TRAFD1: variants seen among roughly 807,000 people sequenced by gnomAD.
TRAFD1 encodes TRAF-type zinc finger domain containing 1.
A neutral mutation model predicts 65.3 loss-of-function variants in TRAFD1; 38 were observed. That is an observed-to-expected ratio of 0.58 (90% CI 0.45 to 0.76). The LOEUF (loss-of-function observed/expected upper bound fraction) is 0.76, where lower values mean the gene tolerates loss of function less well. Ranked by LOEUF, TRAFD1 falls within the 30% of genes least tolerant of loss-of-function variation. TRAFD1 has a pLI of 0.00. For missense variants in TRAFD1, 631 were observed against 712.6 expected, an observed-to-expected ratio of 0.89 and a Z score of 1.30; for synonymous variants, 223 against 257.2, an observed-to-expected ratio of 0.87 and a Z score of 1.27.
Position 112,145,575 on chromosome 12 carries a change from C to G in TRAFD1, c.851-11C>G. Reference sequence around the variant, plus strand: ...TTCATCCTGAGTCTCATTGTGTGGCCTAATACCTAGGTGCAGCTGACGAGA... The same window carrying G: ...TTCATCCTGAGTCTCATTGTGTGGCGTAATACCTAGGTGCAGCTGACGAGA... On this transcript the variant is annotated splice_polypyrimidine_tract_variant and intron_variant, in intron 6 of 11. Transcript: ENST00000412615. 3 of 1,613,986 alleles carry G rather than the reference C, an allele frequency of 1.9e-6. No individual in the cohort carries two copies. Among genetic ancestry groups the G allele is most frequent in the Non-Finnish European group, 2.5e-6 (3 of 1,179,962 alleles).
chr12:112,142,054 T>C (rs1405811862), intron 5 of TRAFD1, 35 bp from the exon 6 acceptor site: 2 of 1,605,786 alleles, frequency 1.2e-6, no homozygotes, highest in African/African-American at 1.3e-5. Context: ...ACATTTCTAA[T>C]GTATCCTGAA....
intron 7 of TRAFD1, 73 bp downstream of exon 7, chr12:112,145,735 A>C: frequency 2.2e-6 from 3 of 1,365,874 alleles, no homozygotes; most frequent in Admixed American, 3.5e-5. Flanking sequence ...AGGCCACATG[A>C]GGCCTTGAAC....
At chr12:112,129,445 C>G (rs1462638770) in intron 1 of TRAFD1, among the ~76,000 whole-genome samples, 1 of 151,962 alleles carries the variant, frequency 6.6e-6, no homozygotes, top group Non-Finnish European at 1.5e-5. Context: ...AAGCGATCCT[C>G]TTCAGCTCAG....
intron 7 of TRAFD1, among the ~76,000 whole-genome samples, chr12:112,147,046 C>G (rs1233215010): frequency 8.4e-6 from 1 of 119,064 alleles, no homozygotes; most frequent in Non-Finnish European, 1.6e-5. Flanking sequence ...GTCGCCTAGG[C>G]TGGAGCGCAG....
At position 112,152,331 on chromosome 12, in the gene TRAFD1, T is replaced by C; in HGVS notation, c.1620-96T>C. ...TGTGGCCTATGGGTTTTTTGGGGTT[T>C]GTCTGCTAGCATAGGACTGCTTCCT... is the stretch of plus-strand genomic sequence containing the variant. On this transcript the variant is annotated intron_variant, in intron 10 of 11. Coordinates refer to ENST00000412615, the MANE Select transcript of TRAFD1 (RefSeq NM_006700.3). This position sits in a 1 kb window ranked among gnomAD's most constrained non-coding sequence, Gnocchi z 5.0. 11 of 1,529,000 alleles carry C rather than the reference T, an allele frequency of 7.2e-6. No individual in the cohort carries two copies. The highest frequency in any genetic ancestry group is 9.8e-6 in the Non-Finnish European group (11 of 1,127,088). The allele number at this position is 1,529,000 out of a possible 1,614,324, so 94.7% of individuals were successfully genotyped here. A position where few individuals can be genotyped will look rare whatever the true frequency, so the allele number is the denominator to read the frequency against.
chr12:112,134,508 G>T (rs1389605866), intron 2 of TRAFD1, among the ~76,000 whole-genome samples: 2 of 150,742 alleles, frequency 1.3e-5, no homozygotes, highest in African/African-American at 4.9e-5. Context: ...CGCCTGCCTC[G>T]GCTTCCCAAA....
Position 112,152,294 on chromosome 12 carries a change from A to G in TRAFD1, c.1620-133A>G, listed in dbSNP as rs576519451. The G allele has an allele frequency of 9.0e-5, 130 of 1,443,466 alleles. No homozygotes were observed. In the African/African-American group the frequency reaches 1.5e-3, roughly 17 times the overall value. 89.4% of individuals were successfully genotyped at this position (1,443,466 alleles called of 1,614,324 possible). A position where few individuals can be genotyped will look rare whatever the true frequency, so the allele number is the denominator to read the frequency against. ...TTCCCTGTATTGTCACCTGACTCCA[A>G]AAAAATTATTTTGTGGCCTATGGGT... On this transcript the variant is annotated intron_variant, in intron 10 of 11. Transcript: ENST00000412615. The surrounding 1 kb of genome is among the most constrained non-coding windows in gnomAD (Gnocchi z 5.0).
Position 112,151,801 on chromosome 12 carries a change from G to T in TRAFD1, c.1280G>T (p.Gly427Val). The T allele has an allele frequency of 6.2e-7, 1 of 1,611,008 alleles. No homozygotes were observed. Among genetic ancestry groups the T allele is most frequent in the Non-Finnish European group, 8.5e-7 (1 of 1,177,598 alleles). Residue 427 changes from glycine to valine, a missense_variant and splice_region_variant, in exon 10 of 12, where the codon GGA becomes GTA. Gly to Val is a moderately radical substitution (Grantham distance 109). Coordinates refer to ENST00000412615, the MANE Select transcript of TRAFD1 (RefSeq NM_006700.3). ...AGCTGTTACCATTTTCTCTTCTCAG[G>T]AGACCTGTCTTCTGGTTACCTGGAT... ...ELPRRRVRHQ[G>V]DLSSGYLDDT...
rs192848051 is a variant in TRAFD1, at chr12:112,136,979, C to T, written c.237+1913C>T. 3.0e-3 allele frequency among the ~76,000 whole-genome samples: 450 copies of T among 152,356 alleles called. 2 individuals are homozygous for T. The highest frequency in any genetic ancestry group is 9.9e-3 in the African/African-American group (410 of 41,592). ...ATGGCTGATGCCTGTAATCCCAGCA[C>T]TTTGGGAGGCTGAGGTGGGTGGATC... On this transcript the variant is annotated intron_variant, in intron 4 of 11. Coordinates refer to ENST00000412615, the MANE Select transcript of TRAFD1 (RefSeq NM_006700.3).
At chr12:112,145,737 G>GC in intron 7 of TRAFD1, 75 bp downstream of exon 7, 1 of 1,334,990 alleles carries the variant, frequency 7.5e-7, no homozygotes, top group Middle Eastern at 1.8e-4. Context: ...GCCACATGAG[G>GC]CCTTGAACAA....
chr12:112,140,419 CAAAAAAAAAAA>C (rs548396276), intron 4 of TRAFD1, among the ~76,000 whole-genome samples: 1 of 69,198 alleles, frequency 1.4e-5, no homozygotes, highest in Non-Finnish European at 3.2e-5. Flanking sequence ...GACACTGTCT[CAAAAAAAAAAA>C]AAAAAAAAGA....
chr12:112,137,985 T>A lies in TRAFD1; in HGVS notation c.238-2834T>A, dbSNP rs935342135. Among the ~76,000 whole-genome samples the A allele has an allele frequency of 6.6e-6, 1 of 151,560 alleles. No individual in the cohort carries two copies. Among genetic ancestry groups the A allele is most frequent in the African/African-American group, 2.4e-5 (1 of 41,260 alleles). On this transcript the variant is annotated intron_variant, in intron 4 of 11. Coordinates refer to ENST00000412615, the MANE Select transcript of TRAFD1 (RefSeq NM_006700.3). This position sits in a 1 kb window ranked among gnomAD's most constrained non-coding sequence, Gnocchi z 4.2. ...AGCGGGCTACAGTGACTCATGCCTG[T>A]ATCCTAGCACTTTGGGAGGCCAAGG...
intron 4 of TRAFD1, among the ~76,000 whole-genome samples, chr12:112,139,795 T>C (rs921177240): frequency 5.3e-5 from 8 of 152,110 alleles, no homozygotes; most frequent in Non-Finnish European, 2.9e-5. Context: ...GGATGGGAGT[T>C]TGAGACCAAC....
At chr12:112,135,614 C>T (rs774835075) in intron 4 of TRAFD1, among the ~76,000 whole-genome samples, 18 of 151,786 alleles carry the variant, frequency 1.2e-4, no homozygotes, top group Non-Finnish European at 1.8e-4. Flanking sequence ...TTAGTAGAGA[C>T]GGGATTTCAC....
Position 112,142,129 on chromosome 12 carries a change from G to GC in TRAFD1, c.690dup (p.Lys231GlnfsTer5), listed in dbSNP as rs1170841494. ...GGCAGGAAAGGAATAGAGGCCAACA[G>GC]CCCCCCAAAGAGGGTGGTGAAGAGA... is the stretch of plus-strand genomic sequence containing the variant. On this transcript the variant is annotated frameshift_variant, in exon 6 of 12. Coordinates refer to ENST00000412615, the MANE Select transcript of TRAFD1 (RefSeq NM_006700.3). LOFTEE classifies it high-confidence loss of function. The GC allele has an allele frequency of 6.2e-7, 1 of 1,613,742 alleles. No homozygotes were observed.
intron 5 of TRAFD1, 134 bp downstream of exon 5, chr12:112,141,358 CTCTT>C: frequency 9.9e-7 from 1 of 1,008,762 alleles, no homozygotes; most frequent in South Asian, 1.7e-5. Context: ...AAGAATACCT[CTCTT>C]TCCTATAAAA....
chr12:112,140,775 C>G, intron 4 of TRAFD1, 44 bp from the exon 5 acceptor site: 1 of 1,603,480 alleles, frequency 6.2e-7, no homozygotes, highest in Non-Finnish European at 8.5e-7. Flanking sequence ...AAACACACCT[C>G]TCCTAGATAT....
Position 112,143,858 on chromosome 12 carries a change from A to G in TRAFD1, c.850+1563A>G, listed in dbSNP as rs2030160370. On this transcript the variant is annotated intron_variant, in intron 6 of 11. Coordinates refer to ENST00000412615, the MANE Select transcript of TRAFD1 (RefSeq NM_006700.3). Reference sequence around the variant, plus strand: ...AGTGATCCTCCCACTTCAGTCTCCGATGTAGCTGGGACCACAGGCATGCAC... The same window carrying G: ...AGTGATCCTCCCACTTCAGTCTCCGGTGTAGCTGGGACCACAGGCATGCAC... Among the ~76,000 whole-genome samples, 4 of 150,168 alleles carry G rather than the reference A, an allele frequency of 2.7e-5. No homozygotes were observed. In the South Asian group the frequency reaches 8.4e-4, roughly 32 times the overall value.
chr12:112,140,060 T>C (rs990379584), intron 4 of TRAFD1: 26 of 248,374 alleles, frequency 1.0e-4, no homozygotes, highest in African/African-American at 5.1e-4. Flanking sequence ...TAAATACAAA[T>C]ATGAAGGTTA....
Sources: allele counts gnomAD v4.1 joint callset (sites outside exome capture counted in the v4.1 genomes callset), GRCh38; gene constraint gnomAD v4.1.1; non-coding constraint Gnocchi (gnomAD v3.1); transcripts MANE v1.5; gene names NCBI Gene and HGNC (gene_info 2026-07-23, HGNC 2026-07-21).